NKAIN3: variants seen among roughly 807,000 people sequenced by gnomAD.
NKAIN3 encodes sodium/potassium-transporting ATPase subunit beta-1-interacting protein 3.
NKAIN3 carries 25 observed loss-of-function variants against 30.2 expected under a neutral mutation model. The observed-to-expected ratio is 0.83, with a 90% CI of 0.60 to 1.16. The LOEUF is 1.16. Among genes scored for constraint, NKAIN3 ranks in the 50% most tolerant of loss-of-function variants. The pLI is 0.00. For missense variants in NKAIN3, 225 were observed against 254.1 expected, an observed-to-expected ratio of 0.89 and a Z score of 0.78; for synonymous variants, 91 against 89.6, an observed-to-expected ratio of 1.02 and a Z score of -0.09.
chr8:62,579,769 A>G (rs549247287), intron 2 of NKAIN3, 93 bp downstream of exon 2: 5 of 643,334 alleles, frequency 7.8e-6, no homozygotes, highest in African/African-American at 7.6e-5. Context: ...CCCTTCTGAT[A>G]TAATGTGGCA....
chr8:62,419,128 A>T (rs895602317), intron 1 of NKAIN3, among the ~76,000 whole-genome samples: 2 of 152,124 alleles, frequency 1.3e-5, no homozygotes, highest in Non-Finnish European at 2.9e-5. Flanking sequence ...CTGGCCATTG[A>T]TTCAGTGCAT....
At chr8:62,564,401 C>CA (rs774671586) in intron 1 of NKAIN3, among the ~76,000 whole-genome samples, 43 of 152,116 alleles carry the variant, frequency 2.8e-4, no homozygotes, top group Non-Finnish European at 5.3e-4. Flanking sequence ...AAAACAGCTC[C>CA]AAACCCGACC....
intron 1 of NKAIN3, among the ~76,000 whole-genome samples, chr8:62,448,606 G>C (rs1448645603): frequency 6.6e-6 from 1 of 151,534 alleles, no homozygotes; most frequent in African/African-American, 2.4e-5. Flanking sequence ...GCTTTATTCT[G>C]TTAACATCAG....
intron 3 of NKAIN3, among the ~76,000 whole-genome samples, chr8:62,647,881 G>T (rs1399357844): frequency 4.6e-5 from 7 of 152,146 alleles, no homozygotes; most frequent in Non-Finnish European, 1.0e-4. Flanking sequence ...ATGCAAAATG[G>T]ACTGGAGGAA....
chr8:62,870,214 A>ATC (rs1820558703), intron 4 of NKAIN3, among the ~76,000 whole-genome samples: 1 of 67,390 alleles, frequency 1.5e-5, no homozygotes, highest in African/African-American at 5.8e-5. Context: ...TTTTGTATAT[A>ATC]TATATCTATA....
chr8:62,338,831 G>T (rs1815648576), intron 1 of NKAIN3, among the ~76,000 whole-genome samples: 1 of 151,936 alleles, frequency 6.6e-6, no homozygotes, highest in African/African-American at 2.4e-5. Context: ...TTCTAGCCAG[G>T]CTGGTAGCTG....
intron 3 of NKAIN3, among the ~76,000 whole-genome samples, chr8:62,738,474 C>G (rs528550245): frequency 7.2e-5 from 11 of 151,928 alleles, no homozygotes; most frequent in African/African-American, 2.7e-4. Flanking sequence ...TGGCATGTGC[C>G]TGTAATCCCA....
chr8:62,872,946 G>A (rs1293465755), intron 4 of NKAIN3, among the ~76,000 whole-genome samples: 3 of 152,154 alleles, frequency 2.0e-5, no homozygotes, highest in Non-Finnish European at 4.4e-5. Context: ...TATGAAGAAA[G>A]TGCATCAACT....
chr8:62,339,687 T>A (rs1188446782), intron 1 of NKAIN3, among the ~76,000 whole-genome samples: 2 of 152,100 alleles, frequency 1.3e-5, no homozygotes, highest in Non-Finnish European at 2.9e-5. Context: ...TTAATTCTGA[T>A]TTCCTCTTGA....
intron 4 of NKAIN3, chr8:62,863,442 T>A: frequency 6.4e-7 from 1 of 1,555,350 alleles, no homozygotes; most frequent in Non-Finnish European, 8.7e-7. Flanking sequence ...TCTTACTGTG[T>A]AGATATTCTA....
At chr8:62,275,629 G>A (rs777134409) in intron 1 of NKAIN3, among the ~76,000 whole-genome samples, 20 of 152,114 alleles carry the variant, frequency 1.3e-4, no homozygotes, top group Non-Finnish European at 2.2e-4. Context: ...ATAGCTAAAT[G>A]TTTTTAGGTT....
At chr8:62,285,935 C>T (rs891004053) in intron 1 of NKAIN3, among the ~76,000 whole-genome samples, 11 of 152,080 alleles carry the variant, frequency 7.2e-5, no homozygotes, top group Non-Finnish European at 1.3e-4. Context: ...TGCATGTGGG[C>T]GTATTTATGT....
chr8:62,547,439 T>C (rs1407502429), intron 1 of NKAIN3, among the ~76,000 whole-genome samples: 2 of 152,236 alleles, frequency 1.3e-5, no homozygotes, highest in African/African-American at 4.8e-5. Flanking sequence ...TTCTTGCTTA[T>C]GGTGTTTTAA....
chr8:62,503,764 C>T (rs528734878), intron 1 of NKAIN3, among the ~76,000 whole-genome samples: 15 of 152,038 alleles, frequency 9.9e-5, no homozygotes, highest in African/African-American at 3.4e-4. Flanking sequence ...GCTTTTTTAG[C>T]CCAACCCCGC....
intron 4 of NKAIN3, among the ~76,000 whole-genome samples, chr8:62,887,186 G>C (rs1821171537): frequency 6.6e-6 from 1 of 152,162 alleles, no homozygotes; most frequent in South Asian, 2.1e-4. Context: ...TGGTTTCCAA[G>C]GATAAGTCAG....
intron 3 of NKAIN3, among the ~76,000 whole-genome samples, chr8:62,617,946 G>A (rs1468600696): frequency 6.6e-6 from 1 of 152,214 alleles, no homozygotes; most frequent in Non-Finnish European, 1.5e-5. Flanking sequence ...AATACAAAGT[G>A]ATAGGAAGAC....
chr8:62,288,621 T>A, intron 1 of NKAIN3, among the ~76,000 whole-genome samples: 1 of 152,224 alleles, frequency 6.6e-6, no homozygotes, highest in Non-Finnish European at 1.5e-5. Flanking sequence ...TGTGCCACAT[T>A]TTCTTAATCC....
At chr8:62,307,294 G>C (rs1377213865) in intron 1 of NKAIN3, among the ~76,000 whole-genome samples, 1 of 146,388 alleles carries the variant, frequency 6.8e-6, no homozygotes, top group Non-Finnish European at 1.5e-5. Context: ...AATTCTGAAA[G>C]TCAATGGAAA....
rs1215221220 is a variant in NKAIN3, at chr8:62,967,312, G to GT, written c.*1908dup. On this transcript the variant is annotated 3_prime_UTR_variant, in exon 7 of 7. Coordinates refer to ENST00000623646, the MANE Select transcript of NKAIN3 (RefSeq NM_001304533.3). ...ATCCACCACCATGTTCTTGGACAGT[G>GT]TTTGCCATCTCTGCACTACAGTTTT... Among the ~76,000 whole-genome samples, 1 of 152,146 alleles carries GT rather than the reference G, an allele frequency of 6.6e-6. No individual in the cohort carries two copies. The highest frequency in any genetic ancestry group is 1.5e-5 in the Non-Finnish European group (1 of 68,034).
Sources: allele counts gnomAD v4.1 joint callset (sites outside exome capture counted in the v4.1 genomes callset), GRCh38; gene constraint gnomAD v4.1.1; transcripts MANE v1.5; gene names NCBI Gene and HGNC (gene_info 2026-07-23, HGNC 2026-07-21).